PKIB: variants seen among roughly 807,000 people sequenced by gnomAD.
The protein encoded by PKIB is PKI-beta.
In PKIB, 2 loss-of-function variants were observed where a neutral mutation model predicts 4.5. The observed-to-expected ratio is 0.44, with a 90% CI of 0.18 to 1.39. The LOEUF (loss-of-function observed/expected upper bound fraction) is 1.39. Ranked by LOEUF, PKIB falls within the 40% of genes most tolerant of loss-of-function variation. The pLI is 0.27. For synonymous variants in PKIB, 38 were observed against 36.0 expected, an observed-to-expected ratio of 1.06 and a Z score of -0.20; for missense variants, 94 against 92.6, an observed-to-expected ratio of 1.02 and a Z score of -0.06.
chr6:122,609,733 T>A (rs1774671346), upstream of PKIB, among the ~76,000 whole-genome samples: 1 of 152,234 alleles, frequency 6.6e-6, no homozygotes, highest in East Asian at 1.9e-4. Flanking sequence ...ATATGGCTTT[T>A]AAAAAGCACA....
chr6:122,569,939 C>T (rs1037193139), intron 2 of PKIB, among the ~76,000 whole-genome samples: 1 of 152,180 alleles, frequency 6.6e-6, no homozygotes, highest in Non-Finnish European at 1.5e-5. Context: ...CCTCTCTGAT[C>T]ATTAAGGGTC....
At chr6:122,592,390 A>G (rs1240642652) in intron 3 of PKIB, among the ~76,000 whole-genome samples, 1 of 152,154 alleles carries the variant, frequency 6.6e-6, no homozygotes, top group Non-Finnish European at 1.5e-5. Flanking sequence ...AAAAATGAAA[A>G]CTGGTTTATC....
At chr6:122,664,815 T>C (rs1375480808) in intron 2 of PKIB, among the ~76,000 whole-genome samples, 1 of 152,226 alleles carries the variant, frequency 6.6e-6, no homozygotes. Context: ...ATCTAAATAA[T>C]TCATCTTCTA....
At chr6:122,558,756 T>C (rs1408858391) in intron 2 of PKIB, among the ~76,000 whole-genome samples, 2 of 152,168 alleles carry the variant, frequency 1.3e-5, no homozygotes, top group Non-Finnish European at 2.9e-5. Context: ...TTGATTAATA[T>C]ATATTTTTTC....
chr6:122,662,595 C>T (rs1777053947), intron 2 of PKIB, among the ~76,000 whole-genome samples: 1 of 151,964 alleles, frequency 6.6e-6, no homozygotes. Flanking sequence ...GCTGGGATTA[C>T]AGGCATCAGC....
At chr6:122,590,432 A>T (rs968504116) in intron 3 of PKIB, among the ~76,000 whole-genome samples, 2 of 152,144 alleles carry the variant, frequency 1.3e-5, no homozygotes, top group Admixed American at 1.3e-4. Context: ...TTTGAAGACA[A>T]TAATACTGCA....
chr6:122,654,867 G>A (rs1776705729), intron 2 of PKIB, among the ~76,000 whole-genome samples: 4 of 152,038 alleles, frequency 2.6e-5, no homozygotes, highest in South Asian at 2.1e-4. Flanking sequence ...TATGACTCAT[G>A]TTAGGTCACT....
intron 1 of PKIB, among the ~76,000 whole-genome samples, chr6:122,616,876 G>C (rs575436223): frequency 6.6e-6 from 1 of 152,272 alleles, no homozygotes; most frequent in Non-Finnish European, 1.5e-5. Flanking sequence ...AATCTGTGAA[G>C]TCAGTGTTAC....
intron 1 of PKIB, among the ~76,000 whole-genome samples, chr6:122,622,905 C>A (rs1048745852): frequency 6.6e-6 from 1 of 152,222 alleles, no homozygotes; most frequent in Non-Finnish European, 1.5e-5. Flanking sequence ...GTAGTTCTGG[C>A]AGCTAGAGTT....
At chr6:122,512,348 C>G (rs1172238327) in intron 2 of PKIB, among the ~76,000 whole-genome samples, 2 of 152,156 alleles carry the variant, frequency 1.3e-5, no homozygotes, top group Non-Finnish European at 2.9e-5. Context: ...AACTTTCTCT[C>G]TTTTCCCTCT....
chr6:122,516,812 C>G lies in PKIB; in HGVS notation c.-248+38873C>G, dbSNP rs187386221. Among the ~76,000 whole-genome samples the G allele has an allele frequency of 5.9e-5, 9 of 152,284 alleles. No homozygotes were observed. The East Asian group carries it at 1.7e-3, about 29-fold the overall frequency. ...CAAGGAATAAATTAGGGAGAAGAGA[C>G]ACGGAGCAATGGAAAAGTGAGAGAT... is the stretch of plus-strand genomic sequence containing the variant. On this transcript the variant is annotated intron_variant, in intron 2 of 6. Coordinates refer to the PKIB transcript ENST00000392491.
intron 3 of PKIB, among the ~76,000 whole-genome samples, chr6:122,685,481 G>A (rs1466831533): frequency 1.3e-5 from 2 of 151,916 alleles, no homozygotes; most frequent in Non-Finnish European, 2.9e-5. Flanking sequence ...CTGTAACTGG[G>A]CTAGCTTTTT....
rs1030804956 is a variant in PKIB at position 122,726,280 on chromosome 6, C to T, written c.*1085C>T. The T allele has an allele frequency of 6.6e-6, 1 of 151,980 alleles. No individual in the cohort carries two copies. The highest frequency in any genetic ancestry group is 1.5e-5 in the Non-Finnish European group (1 of 67,956). 9.4% of individuals were successfully genotyped at this position (151,980 alleles called of 1,614,324 possible). A position where few individuals can be genotyped will look rare whatever the true frequency, so the allele number is the denominator to read the frequency against. On this transcript the variant is annotated 3_prime_UTR_variant, in exon 5 of 5. Transcript: ENST00000368452. Reference sequence around the variant, plus strand: ...TTATTTTCATTTTCAGAAATATATGCATGCAGTTATGTTTTATTTGATTGT... The same window carrying T: ...TTATTTTCATTTTCAGAAATATATGTATGCAGTTATGTTTTATTTGATTGT...
intron 2 of PKIB, among the ~76,000 whole-genome samples, chr6:122,662,535 G>A (rs1216298437): frequency 6.6e-6 from 1 of 151,410 alleles, no homozygotes; most frequent in Non-Finnish European, 1.5e-5. Flanking sequence ...GGACAGGCTG[G>A]TCTCGAACTC....
At chr6:122,597,245 G>A (rs181104833) in intron 3 of PKIB, among the ~76,000 whole-genome samples, 10 of 152,324 alleles carry the variant, frequency 6.6e-5, no homozygotes, top group South Asian at 2.1e-4. Flanking sequence ...TTGTAGAAGC[G>A]AAAAGTGATC....
At chr6:122,553,082 G>T (rs1484584837) in intron 2 of PKIB, among the ~76,000 whole-genome samples, 1 of 151,804 alleles carries the variant, frequency 6.6e-6, no homozygotes, top group African/African-American at 2.4e-5. Context: ...CATTCAATTT[G>T]TTCTTAGCAG....
intron 2 of PKIB, among the ~76,000 whole-genome samples, chr6:122,492,679 T>C (rs1775970110): frequency 6.6e-6 from 1 of 152,134 alleles, no homozygotes; most frequent in African/African-American, 2.4e-5. Flanking sequence ...GCATTTGTTC[T>C]TTTTATATTT....
At chr6:122,664,836 T>C (rs1268348085) in intron 2 of PKIB, among the ~76,000 whole-genome samples, 2 of 152,222 alleles carry the variant, frequency 1.3e-5, no homozygotes, top group Non-Finnish European at 2.9e-5. Context: ...AAGGCAAATA[T>C]ATAATTGTAA....
chr6:122,685,181 T>C (rs1778048548), intron 3 of PKIB, among the ~76,000 whole-genome samples: 1 of 152,054 alleles, frequency 6.6e-6, no homozygotes, highest in Admixed American at 6.6e-5. Context: ...AAGGGGGAGA[T>C]TGTGCCAAAG....
Sources: gnomAD v4.1 joint callset for allele counts (sites outside exome capture counted in the v4.1 genomes callset) on GRCh38, gnomAD v4.1.1 for gene constraint, MANE v1.5 for transcripts, NCBI Gene and HGNC (gene_info 2026-07-23, HGNC 2026-07-21) for gene names.